The following DYRK1A variants were observed in gnomAD, a reference collection of about 807,000 sequenced individuals.
DYRK1A encodes dual specificity tyrosine-phosphorylation-regulated kinase 1A.
In DYRK1A, 9 loss-of-function variants were observed where a neutral mutation model predicts 79.7. The observed-to-expected ratio is 0.11, with a 90% CI of 0.07 to 0.20. DYRK1A has a LOEUF of 0.20. Ranked by LOEUF, DYRK1A falls within the 10% of genes least tolerant of loss-of-function variation. The pLI, the probability that DYRK1A is intolerant of heterozygous loss-of-function variation, is 1.00. For missense variants in DYRK1A, 622 were observed against 956.0 expected (o/e 0.65, Z 4.61); for synonymous variants, 349 against 329.7 (o/e 1.06, Z -0.63).
chr21:37,422,183 C>T (rs2050494235), intron 2 of DYRK1A, among the ~76,000 whole-genome samples: 1 of 152,054 alleles, frequency 6.6e-6, no homozygotes. Flanking sequence ...AAATTGTCAG[C>T]ATTTATTGGC....
intron 1 of DYRK1A, among the ~76,000 whole-genome samples, chr21:37,378,955 C>T (rs1041172813): frequency 3.3e-5 from 5 of 151,978 alleles, no homozygotes; most frequent in African/African-American, 1.2e-4. Context: ...AACCTGAGGA[C>T]TTGACAGTCT....
chr21:37,366,241 A>C (rs1371870800), upstream of DYRK1A: 3 of 149,242 alleles, frequency 2.0e-5, no homozygotes, highest in Non-Finnish European at 4.5e-5. Context: ...CCCCGCCCGA[A>C]GGCCGCGGCG....
intron 1 of DYRK1A, among the ~76,000 whole-genome samples, chr21:37,405,875 C>T (rs571458933): frequency 6.6e-6 from 1 of 152,274 alleles, no homozygotes; most frequent in South Asian, 2.1e-4. Context: ...CATCCAGTGT[C>T]ATGGCATCAT....
At chr21:37,423,642 C>T (rs954749872) in intron 2 of DYRK1A, among the ~76,000 whole-genome samples, 3 of 151,948 alleles carry the variant, frequency 2.0e-5, no homozygotes, top group African/African-American at 7.3e-5. Flanking sequence ...TTGGGAAAAT[C>T]ATGTTGGAAA....
At chr21:37,432,740 A>G (rs2050810657) in intron 2 of DYRK1A, among the ~76,000 whole-genome samples, 1 of 152,154 alleles carries the variant, frequency 6.6e-6, no homozygotes, top group Admixed American at 6.5e-5. Context: ...TGTCTCAAGC[A>G]TCATTAACTG....
At chr21:37,502,303 T>C (rs1161844120) in intron 9 of DYRK1A, 2 of 152,240 alleles carry the variant, frequency 1.3e-5, no homozygotes, top group Admixed American at 1.3e-4. Flanking sequence ...ATTTGTGTTC[T>C]GTTTGTCTTT....
chr21:37,485,825 C>T (rs768100325), intron 5 of DYRK1A, among the ~76,000 whole-genome samples: 1 of 152,162 alleles, frequency 6.6e-6, no homozygotes, highest in Non-Finnish European at 1.5e-5. Flanking sequence ...CTCATGAACG[C>T]TGTGCTTTCC....
intron 2 of DYRK1A, among the ~76,000 whole-genome samples, chr21:37,443,326 A>G (rs1195080775): frequency 6.6e-6 from 1 of 152,050 alleles, no homozygotes; most frequent in Non-Finnish European, 1.5e-5. Context: ...GTTTGGGTCC[A>G]TTTCTGTTAA....
At chr21:37,461,135 G>C (rs905483388) in intron 2 of DYRK1A, among the ~76,000 whole-genome samples, 1 of 152,082 alleles carries the variant, frequency 6.6e-6, no homozygotes, top group Non-Finnish European at 1.5e-5. Context: ...AAAATGATAC[G>C]TGCTTGTTAA....
At chr21:37,379,445 A>G (rs183440043) in intron 1 of DYRK1A, among the ~76,000 whole-genome samples, 2 of 152,360 alleles carry the variant, frequency 1.3e-5, no homozygotes, top group Admixed American at 6.5e-5. Flanking sequence ...TGTTGGCAGT[A>G]TACTAAAAGG....
intron 1 of DYRK1A, among the ~76,000 whole-genome samples, chr21:37,404,956 C>T (rs939090110): frequency 1.2e-4 from 19 of 152,122 alleles, no homozygotes; most frequent in African/African-American, 4.6e-4. Flanking sequence ...TCAGTATAAG[C>T]AAGTATCCAG....
chr21:37,457,041 T>TTAC (rs1569339620), intron 2 of DYRK1A, among the ~76,000 whole-genome samples: 7,038 of 46,194 alleles, frequency 0.15, 175 homozygotes, highest in Admixed American at 0.18. Context: ...TACTTACTTA[T>TTAC]TTATTTATTT....
At chr21:37,461,529 T>G (rs1264914377) in intron 2 of DYRK1A, among the ~76,000 whole-genome samples, 1 of 152,214 alleles carries the variant, frequency 6.6e-6, no homozygotes, top group East Asian at 1.9e-4. Context: ...TCATTTTCCT[T>G]CTGTGAACTT....
At chr21:37,465,362 A>G (rs544324368) in intron 2 of DYRK1A, among the ~76,000 whole-genome samples, 7 of 152,324 alleles carry the variant, frequency 4.6e-5, no homozygotes, top group Admixed American at 1.3e-4. Context: ...AAAAGTTTCA[A>G]CTTTATAACT....
chr21:37,406,004 A>G (rs2050139790), intron 1 of DYRK1A, among the ~76,000 whole-genome samples: 1 of 151,622 alleles, frequency 6.6e-6, no homozygotes, highest in Admixed American at 6.6e-5. Flanking sequence ...ATAAGTATGT[A>G]TGGTCATTCC....
chr21:37,454,715 G>A (rs1398439815), intron 2 of DYRK1A, among the ~76,000 whole-genome samples: 1 of 152,112 alleles, frequency 6.6e-6, no homozygotes, highest in East Asian at 1.9e-4. Context: ...TCCAGTTATA[G>A]TATTTTACAG....
rs868689576 is a variant in DYRK1A, at chr21:37,517,861, C to T, written c.*5330C>T. On this transcript the variant is annotated 3_prime_UTR_variant, in exon 12 of 12. Transcript: ENST00000647188. ...CCCTCTGAAATGAAAGAAAATACCT[C>T]TAGTGGCATGAAACGGCTAAGTTTT... 3.3e-5 allele frequency: 5 copies of T among 152,168 alleles called. No homozygotes were observed. The highest frequency in any genetic ancestry group is 9.7e-5 in the African/African-American group (4 of 41,422). The allele number at this position is 152,168 out of a possible 1,614,324, so 9.4% of individuals were successfully genotyped here.
At chr21:37,374,477 G>C (rs1602354274) in intron 1 of DYRK1A, among the ~76,000 whole-genome samples, 1 of 151,908 alleles carries the variant, frequency 6.6e-6, no homozygotes. Context: ...ACAGTCTTCT[G>C]GAGAACTTGT....
intron 1 of DYRK1A, among the ~76,000 whole-genome samples, chr21:37,392,938 A>G (rs2049897820): frequency 6.6e-6 from 1 of 152,248 alleles, no homozygotes; most frequent in African/African-American, 2.4e-5. Flanking sequence ...ACAAGGCAGA[A>G]CGTGAAAGAG....
Sources: gnomAD v4.1 joint callset for allele counts (sites outside exome capture counted in the v4.1 genomes callset) on GRCh38, gnomAD v4.1.1 for gene constraint, MANE v1.5 for transcripts, NCBI Gene and HGNC (gene_info 2026-07-23, HGNC 2026-07-21) for gene names.